Variants in QRSL1 observed in about 807,000 individuals in gnomAD.
QRSL1 encodes the protein glutaminyl-tRNA amidotransferase subunit QRSL1.
A neutral mutation model predicts 61.6 loss-of-function variants in QRSL1; 54 were observed. That is an observed-to-expected ratio of 0.88 (90% CI 0.70 to 1.10). QRSL1 has a LOEUF of 1.10. Ranked by LOEUF, QRSL1 falls within the 50% of genes least tolerant of loss-of-function variation. The pLI is 0.00. For synonymous variants in QRSL1, 228 were observed against 225.7 expected, an observed-to-expected ratio of 1.01 and a Z score of -0.09; for missense variants, 505 against 622.6, an observed-to-expected ratio of 0.81 and a Z score of 2.01.
intron 9 of QRSL1, among the ~76,000 whole-genome samples, chr6:106,661,757 G>A (rs796778372): frequency 4.6e-5 from 6 of 131,566 alleles, no homozygotes; most frequent in African/African-American, 1.4e-4. Flanking sequence ...AGCTCTCCAC[G>A]CTGGAGTGCA....
chr6:106,647,556 CAAA>C (rs56935677), intron 4 of QRSL1, among the ~76,000 whole-genome samples: 6 of 75,518 alleles, frequency 7.9e-5, no homozygotes, highest in African/African-American at 2.1e-4. Flanking sequence ...GAGACTGTCT[CAAA>C]AAAAAAAAAA....
chr6:106,659,220 T>G (rs2114716324), intron 9 of QRSL1, among the ~76,000 whole-genome samples: 1 of 152,314 alleles, frequency 6.6e-6, no homozygotes, highest in Non-Finnish European at 1.5e-5. Context: ...ATCCCAGCAC[T>G]TTGGGAGGCC....
chr6:106,631,914 TCTAA>T (rs1470106555), intron 1 of QRSL1, among the ~76,000 whole-genome samples: 1 of 152,166 alleles, frequency 6.6e-6, no homozygotes, highest in Non-Finnish European at 1.5e-5. Context: ...ATTCATTCTG[TCTAA>T]CTATATTTTG....
chr6:106,640,606 C>T (rs1777002466), intron 2 of QRSL1, 98 bp downstream of exon 2: 2 of 1,174,346 alleles, frequency 1.7e-6, no homozygotes, highest in South Asian at 3.3e-5. Flanking sequence ...AAACATAAAC[C>T]ATAGCCTTAT....
At position 106,666,977 on chromosome 6, in the gene QRSL1, C is replaced by G. The variant is rs1777446595; in HGVS notation, c.*975C>G. 1 of 152,176 alleles carries G rather than the reference C, an allele frequency of 6.6e-6. No individual in the cohort carries two copies. Among genetic ancestry groups the G allele is most frequent in the African/African-American group, 2.4e-5 (1 of 41,434 alleles). 9.4% of individuals were successfully genotyped at this position (152,176 alleles called of 1,614,324 possible). A position where few individuals can be genotyped will look rare whatever the true frequency, so the allele number is the denominator to read the frequency against. ...CCTTAGAGTTACAATTTTACTTCTG[C>G]TATTCCGGAGCCCATGCCTAGAAGC... On this transcript the variant is annotated 3_prime_UTR_variant, in exon 11 of 11. Transcript: ENST00000369046.
Position 106,652,230 on chromosome 6 carries a change from A to T in QRSL1, c.579A>T (p.Gly193=). 6.2e-7 allele frequency: 1 copy of T among 1,614,068 alleles called. No individual in the cohort carries two copies. Among genetic ancestry groups the T allele is most frequent in the Non-Finnish European group, 8.5e-7 (1 of 1,179,920 alleles). The part of the protein sequence containing the change: ...TCYAALGSDT[G]GSTRNPAAHC... ...CCAGGGCTTTAGGATCAGATACAGG[A>T]GGATCGACCAGAAATCCTGCTGCCC... Residue 193 remains glycine (G), a synonymous_variant, in exon 6 of 11, where the codon GGA becomes GGT. Transcript: ENST00000369046.
Position 106,667,820 on chromosome 6 carries a change from G to GT in QRSL1, c.*1822dup, listed in dbSNP as rs1777465627. On this transcript the variant is annotated 3_prime_UTR_variant, in exon 11 of 11. Transcript: ENST00000369046. ...CATTACTTTATAGCAAGAGGAAACC[G>GT]TTTTAAGTTTTTTAATTGCTCAGAC... is the stretch of plus-strand genomic sequence containing the variant. 6.6e-6 allele frequency: 1 copy of GT among 152,042 alleles called. No individual in the cohort carries two copies. Among genetic ancestry groups the GT allele is most frequent in the South Asian group, 2.1e-4 (1 of 4,820 alleles). 9.4% of individuals were successfully genotyped at this position (152,042 alleles called of 1,614,324 possible).
rs1388731180 is a variant in QRSL1, at chr6:106,629,694, A to G, written c.13A>G (p.Ser5Gly). 6.2e-7 allele frequency: 1 copy of G among 1,606,210 alleles called. No individual in the cohort carries two copies. Among genetic ancestry groups the G allele is most frequent in the Non-Finnish European group, 8.5e-7 (1 of 1,177,070 alleles). MLGR[S>G]LREVSAALKQ... The stretch of plus-strand genomic sequence containing the variant: ...GGGCACGAGGACCATGCTGGGCCGG[A>G]GCCTCCGAGAAGTGAGTGGAATTGG... The change falls in exon 1 of 11, where the codon AGC becomes GGC. Residue 5 changes from serine to glycine, a missense_variant. Transcript: ENST00000369046.
chr6:106,665,918 T>A lies in QRSL1; in HGVS notation c.1503T>A (p.Pro501=). Residue 501 remains proline (P), a synonymous_variant, in exon 11 of 11, where the codon CCT becomes CCA. Transcript: ENST00000369046. The stretch of plus-strand genomic sequence containing the variant: ...GGTTTGAAAAACAAGTACAGTTTCC[T>A]GTTATTCAACTTCAAGAACTCATGG... ...AKWFEKQVQF[P]VIQLQELMDD... is the part of the protein sequence containing the mutation. The A allele has an allele frequency of 6.2e-7, 1 of 1,614,026 alleles. No homozygotes were observed. Among genetic ancestry groups the A allele is most frequent in the Non-Finnish European group, 8.5e-7 (1 of 1,179,864 alleles).
chr6:106,645,664 G>A (rs749113415), intron 4 of QRSL1, among the ~76,000 whole-genome samples: 7 of 152,008 alleles, frequency 4.6e-5, no homozygotes, highest in South Asian at 2.1e-4. Flanking sequence ...CTTGTGATCC[G>A]CCCGCCTCGT....
chr6:106,656,618 A>G (rs1777275874), intron 9 of QRSL1, among the ~76,000 whole-genome samples: 1 of 152,210 alleles, frequency 6.6e-6, no homozygotes, highest in Admixed American at 6.5e-5. Flanking sequence ...GGCAGAAGGC[A>G]TTTTATTCAT....
chr6:106,635,320 G>C (rs572188427), intron 1 of QRSL1, among the ~76,000 whole-genome samples: 143 of 152,332 alleles, frequency 9.4e-4, no homozygotes, highest in African/African-American at 3.3e-3. Flanking sequence ...CCTGAACACA[G>C]AGAAGAAGTG....
At chr6:106,647,729 C>G (rs1338546203) in intron 4 of QRSL1, among the ~76,000 whole-genome samples, 1 of 133,222 alleles carries the variant, frequency 7.5e-6, no homozygotes, top group Non-Finnish European at 1.6e-5. Context: ...CGGCTCACTG[C>G]AAGCTCCGCC....
chr6:106,640,818 T>C lies in QRSL1; in HGVS notation c.185-5T>C, dbSNP rs1484986182. The C allele has an allele frequency of 6.2e-7, 1 of 1,611,924 alleles. No homozygotes were observed. Among genetic ancestry groups the C allele is most frequent in the Non-Finnish European group, 8.5e-7 (1 of 1,178,428 alleles). ...CTTTATCACTCTTTTGGCTTTTTAA[T>C]GCAGGACAGTCACTTGGGGATTTAG... On this transcript the variant is annotated splice_polypyrimidine_tract_variant and splice_region_variant and intron_variant, in intron 2 of 10. Transcript: ENST00000369046.
chr6:106,631,082 C>G (rs1016520824), intron 1 of QRSL1, among the ~76,000 whole-genome samples: 2 of 152,154 alleles, frequency 1.3e-5, no homozygotes, highest in East Asian at 3.9e-4. Context: ...AAAAATTAGC[C>G]GGGCGTAGTG....
intron 9 of QRSL1, among the ~76,000 whole-genome samples, chr6:106,658,883 C>A (rs1438462197): frequency 6.6e-6 from 1 of 152,046 alleles, no homozygotes; most frequent in Admixed American, 6.6e-5. Context: ...TTCTGTCCTC[C>A]ATCTGTCTGG....
At chr6:106,654,384 C>T (rs141269675) in intron 7 of QRSL1, among the ~76,000 whole-genome samples, 1 of 152,058 alleles carries the variant, frequency 6.6e-6, no homozygotes, top group Non-Finnish European at 1.5e-5. Flanking sequence ...TAACAGGGTA[C>T]CTGATACATG....
rs761223504 is a variant in QRSL1, at chr6:106,629,641, C to T, written c.-41C>T. On this transcript the variant is annotated 5_prime_UTR_variant, in exon 1 of 11. Coordinates refer to ENST00000369046, the MANE Select transcript of QRSL1 (RefSeq NM_018292.5). The stretch of plus-strand genomic sequence containing the variant: ...TAGCGACCGGTGACCTCTTTTTCCC[C>T]CTTGCCTGGCTCCTGTGGTGGCAGG... 2 of 1,586,094 alleles carry T rather than the reference C, an allele frequency of 1.3e-6. No homozygotes were observed. Among genetic ancestry groups the T allele is most frequent in the East Asian group, 2.3e-5 (1 of 43,472 alleles).
chr6:106,639,119 G>GTTTTTT (rs1177849683), intron 1 of QRSL1, among the ~76,000 whole-genome samples: 8 of 122,810 alleles, frequency 6.5e-5, no homozygotes, highest in East Asian at 2.7e-4. Context: ...GTGTTTTGTT[G>GTTTTTT]TTTTTTTTTT....
Sources: gnomAD v4.1 joint callset for allele counts (sites outside exome capture counted in the v4.1 genomes callset) on GRCh38, gnomAD v4.1.1 for gene constraint, MANE v1.5 for transcripts, NCBI Gene and HGNC (gene_info 2026-07-23, HGNC 2026-07-21) for gene names.